Variants in FKTN observed in about 807,000 individuals in gnomAD.
FKTN encodes the protein ribitol-5-phosphate transferase FKTN.
Under a neutral mutation model 58.6 loss-of-function variants are expected in FKTN, and 47 were observed. The observed-to-expected ratio is 0.80, with a 90% CI of 0.63 to 1.02. FKTN has a LOEUF of 1.02. Ranked by LOEUF, FKTN falls within the 50% of genes least tolerant of loss-of-function variation. The probability of loss-of-function intolerance (pLI) is 0.00; values close to 1 mark genes in which losing one functional copy is unlikely to be tolerated. For missense variants in FKTN, 516 were observed against 537.3 expected, an observed-to-expected ratio of 0.96 and a Z score of 0.39; for synonymous variants, 178 against 191.9, an observed-to-expected ratio of 0.93 and a Z score of 0.60.
At chr9:105,565,502 G>T (rs1589196798) in intron 1 of FKTN, among the ~76,000 whole-genome samples, 1 of 152,148 alleles carries the variant, frequency 6.6e-6, no homozygotes, top group Non-Finnish European at 1.5e-5. Flanking sequence ...TGCAATCCTA[G>T]TCTCTGATAA....
chr9:105,582,232 C>T (rs1259828415), intron 3 of FKTN, among the ~76,000 whole-genome samples: 1 of 151,810 alleles, frequency 6.6e-6, no homozygotes, highest in Non-Finnish European at 1.5e-5. Context: ...CGCTTCGTCA[C>T]CCAGGCTGAA....
intron 9 of FKTN, among the ~76,000 whole-genome samples, chr9:105,618,302 G>A (rs1242131970): frequency 3.3e-5 from 5 of 152,106 alleles, no homozygotes; most frequent in African/African-American, 4.8e-5. Flanking sequence ...CTGGGTTGGT[G>A]CAAAAGTAAT....
chr9:105,570,674 T>G (rs1840584123), intron 1 of FKTN, among the ~76,000 whole-genome samples: 1 of 152,170 alleles, frequency 6.6e-6, no homozygotes, highest in African/African-American at 2.4e-5. Context: ...TTATTTGTCA[T>G]TTTATCTCTA....
rs533218178 is a variant in FKTN at position 105,626,106 on chromosome 9, A to G, written c.1172+6045A>G. 1.5e-4 allele frequency among the ~76,000 whole-genome samples: 23 copies of G among 152,288 alleles called. No individual in the cohort carries two copies. The South Asian group carries it at 3.9e-3, about 26-fold the overall frequency. ...AGTTAATTGTATGAATATATCACAA[A>G]TATTTATTAAGTCCACTAACCCAAA... On this transcript the variant is annotated intron_variant, in intron 10 of 10. Coordinates refer to ENST00000357998, the MANE Select transcript of FKTN (RefSeq NM_001079802.2).
rs538063219 is a variant in FKTN, at chr9:105,593,237, A to C, written c.106-3361A>C. Among the ~76,000 whole-genome samples the C allele has an allele frequency of 5.9e-5, 9 of 152,282 alleles. 1 individual carries two copies. In the South Asian group the frequency reaches 1.9e-3, roughly 32 times the overall value. On this transcript the variant is annotated intron_variant, in intron 3 of 10. Transcript: ENST00000357998. ...TGGCTGGAGCAGGAAGAAGAGAGAGAGGGAGGAGGTGCTACAGTCTTTTAA... is the reference window on the plus strand; with the variant it reads ...TGGCTGGAGCAGGAAGAAGAGAGAGCGGGAGGAGGTGCTACAGTCTTTTAA...
chr9:105,577,112 G>T (rs1841881483), intron 3 of FKTN, among the ~76,000 whole-genome samples: 2 of 144,400 alleles, frequency 1.4e-5, no homozygotes, highest in Admixed American at 6.9e-5. Flanking sequence ...CTCCCATTTT[G>T]TAGGTTGCCT....
At chr9:105,618,938 A>G (rs1831331763) in intron 9 of FKTN, among the ~76,000 whole-genome samples, 1 of 152,138 alleles carries the variant, frequency 6.6e-6, no homozygotes, top group South Asian at 2.1e-4. Flanking sequence ...GGGCGCCTGT[A>G]GTCCCAGCTA....
chr9:105,619,793 G>GA (rs1481782042), intron 9 of FKTN, 141 bp from the exon 10 acceptor site: 7 of 709,430 alleles, frequency 9.9e-6, no homozygotes, highest in East Asian at 3.0e-5. Flanking sequence ...GCCTTAACTT[G>GA]AAAAAATGTG....
intron 3 of FKTN, among the ~76,000 whole-genome samples, chr9:105,576,946 T>G (rs191722768): frequency 0.061 from 6,273 of 102,366 alleles, 247 homozygotes; most frequent in African/African-American, 0.11. Context: ...TCATGTGTCT[T>G]TTGGCTGCAT....
chr9:105,583,072 A>C (rs551597543), intron 3 of FKTN, among the ~76,000 whole-genome samples: 1 of 152,190 alleles, frequency 6.6e-6, no homozygotes, highest in South Asian at 2.1e-4. Flanking sequence ...CTGGGGAAGT[A>C]AGGTTTTACT....
Position 105,609,758 on chromosome 9 carries a change from AT to A in FKTN, c.780+1809del, listed in dbSNP as rs142582805. Among the ~76,000 whole-genome samples, 1,376 of 152,266 alleles carry A rather than the reference AT, an allele frequency of 9.0e-3. 22 individuals carry two copies. The highest frequency in any genetic ancestry group is 0.032 in the African/African-American group (1,318 of 41,550). Reference sequence around the variant, plus strand: ...GGTATAGAAGTGGTGCTGTGTTCTCATTACATCTCACTGGGCACTGCATAAT... The same window carrying A: ...GGTATAGAAGTGGTGCTGTGTTCTCATACATCTCACTGGGCACTGCATAAT... On this transcript the variant is annotated intron_variant, in intron 7 of 10. Transcript: ENST00000357998.
At chr9:105,610,179 C>T (rs1829650718) in intron 7 of FKTN, among the ~76,000 whole-genome samples, 1 of 152,042 alleles carries the variant, frequency 6.6e-6, no homozygotes, top group African/African-American at 2.4e-5. Context: ...GTTCATCTTA[C>T]AATTTTCATA....
Position 105,639,527 on chromosome 9 carries a change from A to G in FKTN, c.*4263A>G. 5.3e-6 allele frequency: 5 copies of G among 949,552 alleles called. No homozygotes were observed. The highest frequency in any genetic ancestry group is 6.3e-6 in the Non-Finnish European group (5 of 797,176). The allele number at this position is 949,552 out of a possible 1,614,324, so 58.8% of individuals were successfully genotyped here. On this transcript the variant is annotated 3_prime_UTR_variant, in exon 11 of 11. Transcript: ENST00000357998. ...GCCTAGGATTAAGTAAGTACTCAAG[A>G]AATGTGCAATTTTCTAGTTCCATGT...
intron 7 of FKTN, among the ~76,000 whole-genome samples, chr9:105,610,609 A>G (rs1183870203): frequency 6.6e-6 from 1 of 151,812 alleles, no homozygotes; most frequent in African/African-American, 2.4e-5. Context: ...GCACACACGT[A>G]GAGGCATTCT....
chr9:105,574,828 G>A (rs1382439649), intron 2 of FKTN, 117 bp from the exon 3 acceptor site: 1 of 548,664 alleles, frequency 1.8e-6, no homozygotes, highest in African/African-American at 1.9e-5. Context: ...CATAGACAAT[G>A]ACCAGATCAA....
intron 10 of FKTN, among the ~76,000 whole-genome samples, chr9:105,626,285 A>G (rs1391201128): frequency 1.3e-5 from 2 of 152,174 alleles, no homozygotes; most frequent in Non-Finnish European, 2.9e-5. Context: ...GGTGGCTCAT[A>G]AACAGAAATT....
Position 105,566,245 on chromosome 9 carries a change from G to A in FKTN, c.-180-7410G>A, listed in dbSNP as rs575638450. On this transcript the variant is annotated intron_variant, in intron 1 of 10. Transcript: ENST00000357998. ...TAACATCACAATTAAAAGAACTAGA[G>A]AAGCAAGAGCAAACACATTCAAAAG... 1.6e-4 allele frequency among the ~76,000 whole-genome samples: 25 copies of A among 152,156 alleles called. No homozygotes were observed. The South Asian group carries it at 4.4e-3, about 27-fold the overall frequency.
At chr9:105,634,538 T>G (rs1179264597) in intron 10 of FKTN, among the ~76,000 whole-genome samples, 1 of 152,174 alleles carries the variant, frequency 6.6e-6, no homozygotes, top group Non-Finnish European at 1.5e-5. Flanking sequence ...AGATGTTCTT[T>G]AGCATTTGAG....
chr9:105,633,347 C>G (rs1176394654), intron 10 of FKTN: 1 of 151,948 alleles, frequency 6.6e-6, no homozygotes, highest in Non-Finnish European at 1.5e-5. Flanking sequence ...TTATTTTTCC[C>G]TCTTTCAGCT....
Sources: allele counts gnomAD v4.1 joint callset (sites outside exome capture counted in the v4.1 genomes callset), GRCh38; gene constraint gnomAD v4.1.1; transcripts MANE v1.5; gene names NCBI Gene and HGNC (gene_info 2026-07-23, HGNC 2026-07-21).